The following GAS7 variants were observed in gnomAD, a reference collection of about 807,000 sequenced individuals.
GAS7 encodes the protein growth arrest specific 7.
A neutral mutation model predicts 71.1 loss-of-function variants in GAS7; 28 were observed. That is an observed-to-expected ratio of 0.39 (90% CI 0.29 to 0.54). GAS7 has a LOEUF of 0.54. Ranked by LOEUF, GAS7 falls within the 20% of genes least tolerant of loss-of-function variation. GAS7 has a pLI of 0.62. For missense variants in GAS7, 436 were observed against 627.8 expected (o/e 0.69, Z 3.27); for synonymous variants, 258 against 245.8 (o/e 1.05, Z -0.46).
At chr17:10,169,387 T>A (rs1393383364) in intron 1 of GAS7, among the ~76,000 whole-genome samples, 1 of 152,212 alleles carries the variant, frequency 6.6e-6, no homozygotes, top group Non-Finnish European at 1.5e-5. Context: ...CAGTGAAGTC[T>A]GGGTGGGGTT....
chr17:10,160,265 A>G (rs1455398350), intron 1 of GAS7, among the ~76,000 whole-genome samples: 1 of 152,016 alleles, frequency 6.6e-6, no homozygotes, highest in Admixed American at 6.5e-5. Flanking sequence ...TACACTAAAA[A>G]TTGTATTAAA....
chr17:10,110,365 G>T (rs537859319), intron 1 of GAS7, among the ~76,000 whole-genome samples: 2 of 152,302 alleles, frequency 1.3e-5, no homozygotes, highest in East Asian at 3.9e-4. Flanking sequence ...GGAGATGAGA[G>T]TAGATAGTTA....
intron 2 of GAS7, among the ~76,000 whole-genome samples, chr17:10,012,182 T>A (rs2071800962): frequency 6.6e-6 from 1 of 152,206 alleles, no homozygotes. Flanking sequence ...GTAAAATGTA[T>A]CCTAAACATA....
chr17:10,021,314 G>T (rs988498309), intron 1 of GAS7, among the ~76,000 whole-genome samples: 1 of 152,164 alleles, frequency 6.6e-6, no homozygotes, highest in Non-Finnish European at 1.5e-5. Flanking sequence ...ATAACAGAAT[G>T]AAAGAGAGCA....
intron 1 of GAS7, among the ~76,000 whole-genome samples, chr17:10,115,802 C>T (rs1237235430): frequency 6.6e-6 from 1 of 152,186 alleles, no homozygotes; most frequent in Non-Finnish European, 1.5e-5. Context: ...GCCCCACTCA[C>T]CAACCTCCCC....
chr17:10,151,603 G>A (rs1271521401), intron 1 of GAS7, among the ~76,000 whole-genome samples: 1 of 152,054 alleles, frequency 6.6e-6, no homozygotes, highest in African/African-American at 2.4e-5. Flanking sequence ...GGAGTGCAAT[G>A]GCATGATCAT....
chr17:10,078,069 GTGTGTGTGTGTTTTGTTT>G (rs979370741), intron 1 of GAS7, among the ~76,000 whole-genome samples: 3 of 116,160 alleles, frequency 2.6e-5, no homozygotes, highest in Admixed American at 2.6e-4. Context: ...GTGTGTGTGT[GTGTGTGTGTGTTTTGTTT>G]TGTTTTGTTT....
At chr17:10,106,780 GCCC>G (rs3076189) in intron 1 of GAS7, among the ~76,000 whole-genome samples, 58,835 of 151,696 alleles carry the variant, frequency 0.39, 11,971 homozygotes, top group African/African-American at 0.49. Context: ...GCTTGAAAGT[GCCC>G]CCCCCCCCAA....
At chr17:9,943,049 C>G in intron 7 of GAS7, 72 bp downstream of exon 7, 2 of 940,422 alleles carry the variant, frequency 2.1e-6, no homozygotes, top group Non-Finnish European at 3.5e-6. Flanking sequence ...TGTGCTGTCG[C>G]CCCGCCCCGG....
At chr17:9,957,754 G>A (rs927848205) in intron 5 of GAS7, among the ~76,000 whole-genome samples, 1 of 151,982 alleles carries the variant, frequency 6.6e-6, no homozygotes, top group Non-Finnish European at 1.5e-5. Context: ...AACTCCACCG[G>A]TAACAGGGAG....
intron 1 of GAS7, among the ~76,000 whole-genome samples, chr17:10,106,462 G>A (rs1370799680): frequency 5.9e-5 from 9 of 152,300 alleles, no homozygotes; most frequent in Non-Finnish European, 1.0e-4. Context: ...CAGAATCACC[G>A]GGAGAGCTAA....
At position 10,153,192 on chromosome 17, in the gene GAS7, A is replaced by AC. The variant is rs547791941; in HGVS notation, c.183+45015dup. Among the ~76,000 whole-genome samples the AC allele has an allele frequency of 3.3e-3, 502 of 151,876 alleles. 4 individuals carry two copies. Among genetic ancestry groups the AC allele is most frequent in the African/African-American group, 0.012 (478 of 41,418 alleles). On this transcript the variant is annotated intron_variant, in intron 1 of 13. Coordinates refer to ENST00000432992, the MANE Select transcript of GAS7 (RefSeq NM_201433.2). Reference sequence around the variant, plus strand: ...GCCATTACACTCCAGCCCAGGTGACACGGCAAGCCTCCGTCTCAAAAAAAA... The same window carrying AC: ...GCCATTACACTCCAGCCCAGGTGACACCGGCAAGCCTCCGTCTCAAAAAAAA...
At position 9,926,510 on chromosome 17, in the gene GAS7, A is replaced by T; in HGVS notation, c.1014+131T>A. 1 of 951,304 alleles carries T rather than the reference A, an allele frequency of 1.1e-6. No homozygotes were observed. The highest frequency in any genetic ancestry group is 1.6e-6 in the Non-Finnish European group (1 of 624,640). 58.9% of individuals were successfully genotyped at this position (951,304 alleles called of 1,614,324 possible). ...TCTGGCGTAGGCACGAGGCTTGGAC[A>T]TCCCCCTATTCCCCTACCTGGGGAC... On this transcript the variant is annotated intron_variant, in intron 10 of 13. Transcript: ENST00000432992. This position sits in a 1 kb window ranked among gnomAD's most constrained non-coding sequence, Gnocchi z 5.0.
At chr17:9,948,021 C>T in intron 5 of GAS7, among the ~76,000 whole-genome samples, 1 of 152,150 alleles carries the variant, frequency 6.6e-6, no homozygotes, top group East Asian at 1.9e-4. Context: ...ATTGTCTTAA[C>T]ATTTTATTTT....
At chr17:9,944,197 C>T (rs907107059) in intron 6 of GAS7, among the ~76,000 whole-genome samples, 10 of 152,210 alleles carry the variant, frequency 6.6e-5, no homozygotes, top group African/African-American at 1.7e-4. Flanking sequence ...CACATCTGCC[C>T]GCACGGCCGT....
intron 2 of GAS7, among the ~76,000 whole-genome samples, chr17:10,013,371 G>C (rs2071856864): frequency 6.6e-6 from 1 of 152,160 alleles, no homozygotes; most frequent in Non-Finnish European, 1.5e-5. Context: ...GAGGTCCCTG[G>C]ATGGGGTAGG....
chr17:10,017,994 T>G (rs578253416), intron 2 of GAS7, among the ~76,000 whole-genome samples: 15 of 152,270 alleles, frequency 9.9e-5, no homozygotes, highest in South Asian at 8.3e-4. Flanking sequence ...ATTAATAGAG[T>G]GCAGGTGAAA....
chr17:9,962,134 AC>A (rs759010934), intron 4 of GAS7, among the ~76,000 whole-genome samples: 1 of 152,122 alleles, frequency 6.6e-6, no homozygotes, highest in Non-Finnish European at 1.5e-5. Flanking sequence ...TTTTACTTCA[AC>A]CACTGAGGGC....
chr17:10,087,151 C>T (rs758875423), intron 1 of GAS7, among the ~76,000 whole-genome samples: 6 of 152,158 alleles, frequency 3.9e-5, no homozygotes, highest in Non-Finnish European at 8.8e-5. Flanking sequence ...TCCACCAGAC[C>T]AGGAGACTGA....
Sources: gnomAD v4.1 joint callset for allele counts (sites outside exome capture counted in the v4.1 genomes callset) on GRCh38, gnomAD v4.1.1 for gene constraint, Gnocchi (gnomAD v3.1) non-coding constraint, MANE v1.5 for transcripts, NCBI Gene and HGNC (gene_info 2026-07-23, HGNC 2026-07-21) for gene names.